Variants in ZFHX3 observed in about 807,000 individuals in gnomAD.
ZFHX3 encodes zinc finger homeobox 3.
Under a neutral mutation model 279.1 loss-of-function variants are expected in ZFHX3, and 42 were observed. The observed-to-expected ratio is 0.15, with a 90% CI of 0.12 to 0.19. The LOEUF (loss-of-function observed/expected upper bound fraction) is 0.19, where lower values mean the gene tolerates loss of function less well. Among genes scored for constraint, ZFHX3 ranks in the 10% least tolerant of loss-of-function variants. The pLI is 1.00. For synonymous variants in ZFHX3, 2,293 were observed against 1,957.8 expected, an observed-to-expected ratio of 1.17 and a Z score of -4.52; for missense variants, 4,981 against 4,754.0, an observed-to-expected ratio of 1.05 and a Z score of -1.40.
Position 73,120,861 on chromosome 16 carries a change from A to G in ZFHX3, c.-897+10107T>C, listed in dbSNP as rs1025259288. On this transcript the variant is annotated intron_variant, in intron 7 of 17. Coordinates refer to the ZFHX3 transcript ENST00000641206. ...AATAGAGATGGGATTTCACCGTGTTAGCCAGCATGGTCTTGATATCCTGAC... is the reference window on the plus strand; with the variant it reads ...AATAGAGATGGGATTTCACCGTGTTGGCCAGCATGGTCTTGATATCCTGAC... Among the ~76,000 whole-genome samples, 10 of 151,786 alleles carry G rather than the reference A, an allele frequency of 6.6e-5. No homozygotes were observed. The South Asian group carries it at 2.1e-3, about 32-fold the overall frequency.
chr16:72,875,453 T>C (rs2038284651), intron 4 of ZFHX3, among the ~76,000 whole-genome samples: 1 of 152,012 alleles, frequency 6.6e-6, no homozygotes, highest in African/African-American at 2.4e-5. Context: ...GGAAATTTCA[T>C]AAAACATGTG....
At chr16:73,654,619 T>A (rs1458034857) in intron 2 of ZFHX3, among the ~76,000 whole-genome samples, 1 of 152,084 alleles carries the variant, frequency 6.6e-6, no homozygotes, top group Admixed American at 6.5e-5. Flanking sequence ...ACAGCATGAA[T>A]AATTTGGTTG....
At chr16:73,260,417 G>A (rs1414647583) in intron 4 of ZFHX3, among the ~76,000 whole-genome samples, 1 of 152,074 alleles carries the variant, frequency 6.6e-6, no homozygotes, top group Non-Finnish European at 1.5e-5. Flanking sequence ...GAGTTATACT[G>A]TGCTACTATC....
chr16:73,154,359 C>A (rs979736011), intron 5 of ZFHX3, among the ~76,000 whole-genome samples: 1 of 152,162 alleles, frequency 6.6e-6, no homozygotes, highest in Non-Finnish European at 1.5e-5. Context: ...GTTTCCTGTT[C>A]CGTTTTTCTG....
intron 1 of ZFHX3, among the ~76,000 whole-genome samples, chr16:73,832,595 T>C (rs1331262304): frequency 6.6e-6 from 1 of 152,152 alleles, no homozygotes; most frequent in Non-Finnish European, 1.5e-5. Flanking sequence ...GGCTGGAGTC[T>C]AGAGTGCAAT....
At chr16:73,130,931 A>C in intron 7 of ZFHX3, 1 of 1,292,214 alleles carries the variant, frequency 7.7e-7, no homozygotes, top group Non-Finnish European at 1.0e-6. Flanking sequence ...TTTAAAATGC[A>C]AATGGCTAGG....
chr16:73,512,276 A>C (rs1238945996), intron 2 of ZFHX3, among the ~76,000 whole-genome samples: 4 of 36,848 alleles, frequency 1.1e-4, no homozygotes, highest in Non-Finnish European at 2.2e-4. Flanking sequence ...AAAATACAAA[A>C]AAAAAAAAAA....
intron 2 of ZFHX3, among the ~76,000 whole-genome samples, chr16:73,581,155 C>T (rs576409045): frequency 5.9e-5 from 9 of 151,264 alleles, no homozygotes; most frequent in South Asian, 2.1e-4. Context: ...AATTAAGCAA[C>T]GGTCAAACTA....
chr16:73,187,508 G>A (rs1471311377), intron 5 of ZFHX3, among the ~76,000 whole-genome samples: 2 of 152,156 alleles, frequency 1.3e-5, no homozygotes, highest in East Asian at 3.9e-4. Context: ...TGTTTTAGAG[G>A]AAAGAGAAAA....
At position 73,426,081 on chromosome 16, in the gene ZFHX3, G is replaced by A. The variant is rs561283461; in HGVS notation, c.-1291+29922C>T. Among the ~76,000 whole-genome samples, 9 of 152,226 alleles carry A rather than the reference G, an allele frequency of 5.9e-5. No individual in the cohort carries two copies. In the East Asian group the frequency reaches 1.7e-3, roughly 30 times the overall value. ...GCCCTGGCTGGCCACACCTCAGTGGGTACTAACTGGTGAGTCCCAGCTGGT... is the reference window on the plus strand; with the variant it reads ...GCCCTGGCTGGCCACACCTCAGTGGATACTAACTGGTGAGTCCCAGCTGGT... On this transcript the variant is annotated intron_variant, in intron 3 of 17. Coordinates refer to the ZFHX3 transcript ENST00000641206.
intron 5 of ZFHX3, among the ~76,000 whole-genome samples, chr16:73,231,459 C>T (rs112792075): frequency 3.9e-5 from 6 of 152,212 alleles, no homozygotes; most frequent in Non-Finnish European, 8.8e-5. Flanking sequence ...GGAAAACCAT[C>T]AGCGCATAGC....
intron 5 of ZFHX3, among the ~76,000 whole-genome samples, chr16:72,819,848 T>G (rs2036735079): frequency 1.3e-5 from 2 of 152,240 alleles, no homozygotes; most frequent in African/African-American, 4.8e-5. Flanking sequence ...AAGCTCCATG[T>G]GTTCTGTTAG....
At chr16:73,264,050 C>T (rs1368085600) in intron 4 of ZFHX3, among the ~76,000 whole-genome samples, 1 of 152,104 alleles carries the variant, frequency 6.6e-6, no homozygotes, top group African/African-American at 2.4e-5. Flanking sequence ...GCCTGTGGTC[C>T]CAGCTACTTG....
chr16:73,845,203 A>G (rs1961418175), intron 1 of ZFHX3, among the ~76,000 whole-genome samples: 1 of 152,194 alleles, frequency 6.6e-6, no homozygotes, highest in South Asian at 2.1e-4. Context: ...TTCGTGGAGG[A>G]CCTGGAACCA....
chr16:73,583,255 T>C (rs1286676129), intron 2 of ZFHX3, among the ~76,000 whole-genome samples: 2 of 152,132 alleles, frequency 1.3e-5, no homozygotes, highest in Non-Finnish European at 2.9e-5. Flanking sequence ...ATGAATATGC[T>C]CCCATTTGAA....
chr16:73,783,198 T>C (rs1378595065), intron 1 of ZFHX3, among the ~76,000 whole-genome samples: 1 of 152,118 alleles, frequency 6.6e-6, no homozygotes, highest in African/African-American at 2.4e-5. Flanking sequence ...CTGCAACCAA[T>C]GACTAGTTAA....
At chr16:73,025,848 A>G (rs74030210) in intron 1 of ZFHX3, among the ~76,000 whole-genome samples, 6,415 of 152,294 alleles carry the variant, frequency 0.042, 395 homozygotes, top group East Asian at 0.31. Context: ...AGGAAAATTG[A>G]TGTTCCCTTG....
chr16:72,829,353 G>C (rs2037009967), intron 5 of ZFHX3, among the ~76,000 whole-genome samples: 1 of 152,058 alleles, frequency 6.6e-6, no homozygotes, highest in African/African-American at 2.4e-5. Flanking sequence ...CCCTGATCAA[G>C]TTCCACATGA....
chr16:73,755,063 G>T (rs1344262860), intron 1 of ZFHX3, among the ~76,000 whole-genome samples: 1 of 152,158 alleles, frequency 6.6e-6, no homozygotes, highest in African/African-American at 2.4e-5. Context: ...CATAATTGAA[G>T]TTCAGGGAGT....
Sources: gnomAD v4.1 joint callset for allele counts (sites outside exome capture counted in the v4.1 genomes callset) on GRCh38, gnomAD v4.1.1 for gene constraint, MANE v1.5 for transcripts, NCBI Gene and HGNC (gene_info 2026-07-23, HGNC 2026-07-21) for gene names.